Variants in ZNRF2 observed in about 807,000 individuals in gnomAD.
ZNRF2 encodes the protein zinc and ring finger 2.
A neutral mutation model predicts 20.4 loss-of-function variants in ZNRF2; 16 were observed. The ratio of observed to expected loss-of-function variants is 0.79; its 90% CI spans 0.53 to 1.19. The LOEUF (loss-of-function observed/expected upper bound fraction) is 1.19. Among genes scored for constraint, ZNRF2 ranks in the 50% most tolerant of loss-of-function variants. The pLI, the probability that ZNRF2 is intolerant of heterozygous loss-of-function variation, is 0.00. For synonymous variants in ZNRF2, 178 were observed against 144.9 expected, an observed-to-expected ratio of 1.23 and a Z score of -1.64; for missense variants, 363 against 332.4, an observed-to-expected ratio of 1.09 and a Z score of -0.72.
In ZNRF2 at chr7:30,285,594, C is replaced by T; in HGVS notation, c.237C>T (p.Arg79=). The T allele has an allele frequency of 1.8e-6, 2 of 1,118,110 alleles. No individual in the cohort carries two copies. The highest frequency in any genetic ancestry group is 2.2e-6 in the Non-Finnish European group (2 of 916,108). The allele number at this position is 1,118,110 out of a possible 1,614,324, so 69.3% of individuals were successfully genotyped here. A position where few individuals can be genotyped will look rare whatever the true frequency, so the allele number is the denominator to read the frequency against. The change falls in exon 1 of 5, where the codon CGC becomes CGT. Residue 79 remains arginine (R), a synonymous_variant. Coordinates refer to ENST00000323037, the MANE Select transcript of ZNRF2 (RefSeq NM_147128.4). ...AAAPAAPAAP[R]SRSLGGAVGS... is the part of the protein sequence containing the mutation. ...CCCCGGCAGCCCCGGCGGCCCCGCG[C>T]AGCCGCTCCCTCGGCGGGGCCGTGG...
intron 1 of ZNRF2, among the ~76,000 whole-genome samples, chr7:30,320,592 T>C (rs1799453899): frequency 6.6e-6 from 1 of 152,186 alleles, no homozygotes; most frequent in Non-Finnish European, 1.5e-5. Flanking sequence ...TCGGTGGTGC[T>C]GAGCCAAATA....
intron 2 of ZNRF2, among the ~76,000 whole-genome samples, chr7:30,330,779 AAG>A (rs2127948977): frequency 6.6e-6 from 1 of 152,200 alleles, no homozygotes; most frequent in South Asian, 2.1e-4. Flanking sequence ...TAAAAAAAAA[AAG>A]AAAACTTGCC....
At chr7:30,317,736 T>G (rs1799399930) in intron 1 of ZNRF2, among the ~76,000 whole-genome samples, 1 of 152,226 alleles carries the variant, frequency 6.6e-6, no homozygotes, top group Admixed American at 6.5e-5. Flanking sequence ...GTTCTGGCAC[T>G]TTTGATGTCT....
intron 1 of ZNRF2, among the ~76,000 whole-genome samples, chr7:30,299,766 C>T (rs937438484): frequency 1.4e-5 from 2 of 146,844 alleles, no homozygotes; most frequent in African/African-American, 2.5e-5. Flanking sequence ...CTGTGTTCTT[C>T]TAAAACCTGC....
chr7:30,349,693 A>G, intron 2 of ZNRF2, among the ~76,000 whole-genome samples: 1 of 152,156 alleles, frequency 6.6e-6, no homozygotes, highest in East Asian at 1.9e-4. Flanking sequence ...AAAAGTATAC[A>G]GTAATAAGCT....
chr7:30,358,720 A>T (rs1244202943), intron 3 of ZNRF2, among the ~76,000 whole-genome samples: 1 of 152,226 alleles, frequency 6.6e-6, no homozygotes, highest in Non-Finnish European at 1.5e-5. Context: ...GTGGAACGGA[A>T]TGGAGTCCAT....
At chr7:30,317,036 T>C (rs1799386417) in intron 1 of ZNRF2, among the ~76,000 whole-genome samples, 1 of 152,188 alleles carries the variant, frequency 6.6e-6, no homozygotes, top group Non-Finnish European at 1.5e-5. Flanking sequence ...AATTTTACCT[T>C]TGAACGGAAT....
At chr7:30,324,305 A>G (rs1487822514) in intron 2 of ZNRF2, among the ~76,000 whole-genome samples, 1 of 151,658 alleles carries the variant, frequency 6.6e-6, no homozygotes, top group Non-Finnish European at 1.5e-5. Flanking sequence ...AGGCCGAGGT[A>G]GGCAGATCAC....
intron 2 of ZNRF2, among the ~76,000 whole-genome samples, chr7:30,343,733 C>G (rs1406993023): frequency 6.7e-6 from 1 of 150,012 alleles, no homozygotes. Flanking sequence ...TTCTTATATG[C>G]TTTTTGTATA....
chr7:30,321,027 G>A (rs146529282), intron 1 of ZNRF2, among the ~76,000 whole-genome samples: 159 of 152,302 alleles, frequency 1.0e-3, no homozygotes, highest in African/African-American at 3.5e-3. Flanking sequence ...AGGCTATGGA[G>A]TGGGGCCTTT....
At chr7:30,324,872 G>A (rs1799528472) in intron 2 of ZNRF2, among the ~76,000 whole-genome samples, 1 of 152,142 alleles carries the variant, frequency 6.6e-6, no homozygotes, top group South Asian at 2.1e-4. Flanking sequence ...GAGAATAAAA[G>A]TTTATTCAAT....
chr7:30,286,315 C>G (rs141138829), intron 1 of ZNRF2, among the ~76,000 whole-genome samples: 24 of 152,272 alleles, frequency 1.6e-4, no homozygotes, highest in Non-Finnish European at 2.9e-4. Flanking sequence ...AAGCTGTAAT[C>G]CTGAAATCTG....
chr7:30,352,806 A>G (rs11531494), intron 2 of ZNRF2, among the ~76,000 whole-genome samples: 4,618 of 152,168 alleles, frequency 0.03, 173 homozygotes, highest in African/African-American at 0.09. Context: ...ACTGATCTTT[A>G]GATTTTTAAT....
intron 2 of ZNRF2, among the ~76,000 whole-genome samples, chr7:30,324,411 T>TG (rs1217626889): frequency 6.6e-6 from 1 of 150,980 alleles, no homozygotes. Flanking sequence ...TAGCTGGGTG[T>TG]GGTGGTGCAC....
At chr7:30,318,479 T>A (rs1799412279) in intron 1 of ZNRF2, among the ~76,000 whole-genome samples, 1 of 152,218 alleles carries the variant, frequency 6.6e-6, no homozygotes, top group Non-Finnish European at 1.5e-5. Context: ...TCATCTTCTG[T>A]CATGCCTAAC....
chr7:30,357,488 A>G (rs201586039), intron 3 of ZNRF2, among the ~76,000 whole-genome samples: 1 of 152,250 alleles, frequency 6.6e-6, no homozygotes, highest in East Asian at 1.9e-4. Context: ...TTCATGTTAC[A>G]GTAGAAAGAA....
At chr7:30,303,987 A>G (rs1433987881) in intron 1 of ZNRF2, among the ~76,000 whole-genome samples, 2 of 152,156 alleles carry the variant, frequency 1.3e-5, no homozygotes, top group Non-Finnish European at 2.9e-5. Context: ...TTCCCCACCC[A>G]GTGTCATTGT....
At chr7:30,335,543 A>G (rs1266958185) in intron 2 of ZNRF2, among the ~76,000 whole-genome samples, 1 of 152,102 alleles carries the variant, frequency 6.6e-6, no homozygotes, top group African/African-American at 2.4e-5. Flanking sequence ...CCCTTTTACA[A>G]AATTATTATA....
chr7:30,351,109 T>C (rs891346685), intron 2 of ZNRF2, among the ~76,000 whole-genome samples: 17 of 151,916 alleles, frequency 1.1e-4, no homozygotes, highest in African/African-American at 3.6e-4. Context: ...CTAAGTATTT[T>C]AATTTTGCAT....
Sources: allele counts gnomAD v4.1 joint callset (sites outside exome capture counted in the v4.1 genomes callset), GRCh38; gene constraint gnomAD v4.1.1; transcripts MANE v1.5; gene names NCBI Gene and HGNC (gene_info 2026-07-23, HGNC 2026-07-21).